Variants in TBC1D8B observed in about 807,000 individuals in gnomAD.
TBC1D8B encodes the protein TBC1 domain family member 8B, also known as RP11-321G1.1.
Under a neutral mutation model 82.9 loss-of-function variants are expected in TBC1D8B, and 75 were observed. The ratio of observed to expected loss-of-function variants is 0.90; its 90% CI spans 0.75 to 1.10. The LOEUF is 1.10. Among genes scored for constraint, TBC1D8B ranks in the 50% least tolerant of loss-of-function variants. The probability of loss-of-function intolerance (pLI) is 0.00; values close to 1 mark genes in which losing one functional copy is unlikely to be tolerated. For synonymous variants in TBC1D8B, 276 were observed against 276.8 expected (o/e 1.00, Z 0.03); for missense variants, 794 against 796.9 (o/e 1.00, Z 0.04).
intron 1 of TBC1D8B, among the ~76,000 whole-genome samples, chrX:106,812,914 T>A (rs769810616): frequency 4.5e-5 from 5 of 110,899 alleles, no homozygotes; most frequent in African/African-American, 1.6e-4. Flanking sequence ...AGCGGCGCAA[T>A]CTCAGCTCAC....
chrX:106,847,931 A>G (rs1175141028), intron 10 of TBC1D8B, among the ~76,000 whole-genome samples: 1 of 111,630 alleles, frequency 9.0e-6, no homozygotes, highest in Non-Finnish European at 1.9e-5. Context: ...GGTTTTGCTT[A>G]TTATGTTCTG....
chrX:106,809,751 G>A (rs113599517), intron 1 of TBC1D8B, among the ~76,000 whole-genome samples: 21,675 of 108,570 alleles, frequency 0.2, 2,017 homozygotes, highest in East Asian at 0.36. Context: ...GGGCGTGGTG[G>A]CACACACCTG....
chrX:106,828,830 A>G (rs1333011005), intron 7 of TBC1D8B: 1 of 108,652 alleles, frequency 9.2e-6, no homozygotes, highest in East Asian at 2.8e-4. Flanking sequence ...CCCACAGCCA[A>G]TATCATACTG....
rs1352851279 is a variant in TBC1D8B, at chrX:106,874,826, G to C, written c.*861G>C. ...ATTTGTCTCAGAGTAGCTTATGACT[G>C]TTTTGGTTCTAGCTTTAGATTTTGG... On this transcript the variant is annotated 3_prime_UTR_variant, in exon 21 of 21. Coordinates refer to ENST00000357242, the MANE Select transcript of TBC1D8B (RefSeq NM_017752.3). 9.0e-6 allele frequency: 1 copy of C among 111,646 alleles called. No individual in the cohort carries two copies. Among genetic ancestry groups the C allele is most frequent in the African/African-American group, 3.3e-5 (1 of 30,721 alleles). The allele number at this position is 111,646 out of a possible 1,213,427, so 9.2% of individuals were successfully genotyped here.
intron 7 of TBC1D8B, among the ~76,000 whole-genome samples, chrX:106,830,938 A>G (rs1394039595): frequency 9.4e-6 from 1 of 106,094 alleles, no homozygotes. Context: ...TAAAACTTAA[A>G]GTATAATAAT....
intron 7 of TBC1D8B, chrX:106,830,183 C>G (rs776087649): frequency 1.8e-5 from 2 of 112,293 alleles, no homozygotes; most frequent in South Asian, 7.4e-4. Context: ...AGCCAAAGAA[C>G]ACATGAAAAA....
In TBC1D8B at chrX:106,802,815, G is replaced by C; in HGVS notation, c.-39G>C. 1 of 1,207,344 alleles carries C rather than the reference G, an allele frequency of 8.3e-7. No individual in the cohort carries two copies. The highest frequency in any genetic ancestry group is 1.1e-6 in the Non-Finnish European group (1 of 892,930). ...ACGGGTTGAGAGTGAGGTGAGGAGGGCATCTAGGTCACTGCTCCCGGGGGG... is the reference window on the plus strand; with the variant it reads ...ACGGGTTGAGAGTGAGGTGAGGAGGCCATCTAGGTCACTGCTCCCGGGGGG... On this transcript the variant is annotated 5_prime_UTR_variant, in exon 1 of 21. Transcript: ENST00000357242.
At chrX:106,827,599 T>A in intron 7 of TBC1D8B, 1 of 258,988 alleles carries the variant, frequency 3.9e-6, no homozygotes, top group East Asian at 7.3e-5. Context: ...GTTTACCATA[T>A]AAATATACCT....
At chrX:106,869,635 A>G in intron 19 of TBC1D8B, 94 bp downstream of exon 19, 1 of 641,486 alleles carries the variant, frequency 1.6e-6, no homozygotes, top group Non-Finnish European at 2.4e-6. Context: ...TTCCTTTTAA[A>G]GGCTATTGAT....
chrX:106,814,081 C>G (rs1276109077), intron 1 of TBC1D8B: 1 of 103,534 alleles, frequency 9.7e-6, no homozygotes, highest in Non-Finnish European at 2.0e-5. Flanking sequence ...TTGTTCAATT[C>G]CCATCTATGA....
Position 106,823,269 on chromosome X carries a change from G to A in TBC1D8B, c.630G>A (p.Lys210=). 8.3e-7 allele frequency: 1 copy of A among 1,208,313 alleles called. No homozygotes were observed. Among genetic ancestry groups the A allele is most frequent in the Middle Eastern group, 2.3e-4 (1 of 4,293 alleles). Residue 210 remains lysine, a synonymous_variant, in exon 5 of 21, where the codon AAG becomes AAA. Coordinates refer to ENST00000357242, the MANE Select transcript of TBC1D8B (RefSeq NM_017752.3). ...ISWDEVSKLE[K]TSNVILTESI... ...GGGATGAAGTCTCAAAACTTGAAAA[G>A]ACTTCAAATGTCATACTGACAGAGA...
intron 18 of TBC1D8B, among the ~76,000 whole-genome samples, chrX:106,868,989 A>C (rs973809087): frequency 1.7e-4 from 19 of 111,663 alleles, no homozygotes; most frequent in African/African-American, 6.2e-4. Context: ...TGGTTATTAT[A>C]TGTTAAAGTG....
At chrX:106,809,884 CAAA>C (rs1234195385) in intron 1 of TBC1D8B, among the ~76,000 whole-genome samples, 2 of 36,794 alleles carry the variant, frequency 5.4e-5, no homozygotes. Context: ...GACTCCGTCT[CAAA>C]AAAAAAAAAA....
chrX:106,860,733 G>C (rs1240395003), intron 14 of TBC1D8B, among the ~76,000 whole-genome samples: 1 of 110,827 alleles, frequency 9.0e-6, no homozygotes, highest in Non-Finnish European at 1.9e-5. Flanking sequence ...ATTCAGATCA[G>C]CTCTGATTTT....
intron 1 of TBC1D8B, among the ~76,000 whole-genome samples, chrX:106,807,199 C>G (rs1202021600): frequency 2.9e-5 from 3 of 102,579 alleles, no homozygotes; most frequent in Non-Finnish European, 5.8e-5. Flanking sequence ...GAAAGATCTA[C>G]CCGCCCCCCC....
chrX:106,848,175 A>G lies in TBC1D8B; in HGVS notation c.1720-11A>G. Reference sequence around the variant, plus strand: ...TATTTGCTTTTTAATACTGTTTTCTATGAATTTTAGGCAATGAATATTTTG... The same window carrying G: ...TATTTGCTTTTTAATACTGTTTTCTGTGAATTTTAGGCAATGAATATTTTG... On this transcript the variant is annotated splice_polypyrimidine_tract_variant and intron_variant, in intron 10 of 20. Transcript: ENST00000357242. 8.8e-7 allele frequency: 1 copy of G among 1,131,407 alleles called. No individual in the cohort carries two copies. Among genetic ancestry groups the G allele is most frequent in the Non-Finnish European group, 1.2e-6 (1 of 839,478 alleles). 93.2% of individuals were successfully genotyped at this position (1,131,407 alleles called of 1,213,427 possible). A position where few individuals can be genotyped will look rare whatever the true frequency, so the allele number is the denominator to read the frequency against.
chrX:106,820,716 G>A (rs1037686650), intron 2 of TBC1D8B, among the ~76,000 whole-genome samples, 161 bp from the exon 3 acceptor site: 2 of 111,467 alleles, frequency 1.8e-5, no homozygotes, highest in African/African-American at 6.5e-5. Flanking sequence ...TGCCCACATA[G>A]AGGGATAAAG....
chrX:106,826,373 T>C (rs1245150471), intron 6 of TBC1D8B, 136 bp downstream of exon 6: 6 of 528,086 alleles, frequency 1.1e-5, no homozygotes, highest in Middle Eastern at 5.9e-4. Context: ...TAATTATTCT[T>C]CAGAATAAGA....
chrX:106,804,158 T>C (rs1931117372), intron 1 of TBC1D8B, among the ~76,000 whole-genome samples: 1 of 111,912 alleles, frequency 8.9e-6, no homozygotes, highest in Non-Finnish European at 1.9e-5. Context: ...TTATAATTCA[T>C]GGAGGAGATG....
Sources: allele counts gnomAD v4.1 joint callset (sites outside exome capture counted in the v4.1 genomes callset), GRCh38; gene constraint gnomAD v4.1.1; transcripts MANE v1.5; gene names NCBI Gene and HGNC (gene_info 2026-07-23, HGNC 2026-07-21).